DLC1: variants seen among roughly 807,000 people sequenced by gnomAD.
DLC1 encodes rho GTPase-activating protein 7.
DLC1 carries 54 observed loss-of-function variants against 140.3 expected under a neutral mutation model. The observed-to-expected ratio is 0.38, with a 90% CI of 0.31 to 0.48. DLC1 has a LOEUF of 0.48. DLC1 is among the 20% of genes least tolerant of loss of function. The pLI, the probability that DLC1 is intolerant of heterozygous loss-of-function variation, is 0.96. For synonymous variants in DLC1, 986 were observed against 728.1 expected (o/e 1.35, Z -5.70); for missense variants, 2,536 against 1,907.0 (o/e 1.33, Z -6.14).
chr8:13,376,548 A>C (rs935099701), intron 4 of DLC1, among the ~76,000 whole-genome samples: 14 of 152,166 alleles, frequency 9.2e-5, no homozygotes, highest in African/African-American at 3.4e-4. Flanking sequence ...TTAGAGTAGA[A>C]CGTGTGATTT....
intron 4 of DLC1, among the ~76,000 whole-genome samples, chr8:13,378,509 G>A (rs1836099651): frequency 2.6e-5 from 4 of 151,352 alleles, no homozygotes; most frequent in Admixed American, 2.6e-4. Flanking sequence ...TAAATTACAT[G>A]GTATAAAAAT....
At chr8:13,339,027 T>C (rs150652948) in intron 4 of DLC1, among the ~76,000 whole-genome samples, 26 of 152,286 alleles carry the variant, frequency 1.7e-4, no homozygotes, top group African/African-American at 6.0e-4. Flanking sequence ...AATGCGTATA[T>C]CTGGTAATAA....
chr8:13,499,905 T>C lies in DLC1; in HGVS notation c.167A>G (p.Glu56Gly), dbSNP rs143324598. The C allele has an allele frequency of 2.5e-4, 411 of 1,614,134 alleles. 1 individual carries two copies. The African/African-American group carries it at 5.0e-3, about 20-fold the overall frequency. The change falls in exon 2 of 18, where the codon GAG becomes GGG. Residue 56 changes from glutamate (E) to glycine (G), a missense_variant. Glu to Gly is a moderately conservative substitution (Grantham distance 98). Coordinates refer to ENST00000276297, the MANE Select transcript of DLC1 (RefSeq NM_182643.3). The stretch of plus-strand genomic sequence containing the variant: ...GCAGTCAGGTAGTGAAACACACTTC[T>C]CTTTGCGGTCCACATTTAGAGTTGC... ...KDATLNVDRK[E>G]KCVSLPDCCH...
intron 4 of DLC1, among the ~76,000 whole-genome samples, chr8:13,372,511 A>G (rs1336847907): frequency 2.0e-5 from 3 of 152,224 alleles, no homozygotes; most frequent in Non-Finnish European, 4.4e-5. Context: ...AGACGCCAAC[A>G]CAGTGCAGAA....
chr8:13,584,757 C>A (rs890507594), intron 1 of DLC1, among the ~76,000 whole-genome samples: 1 of 152,114 alleles, frequency 6.6e-6, no homozygotes, highest in Non-Finnish European at 1.5e-5. Context: ...AACTTTCGCT[C>A]AAAAACTTTT....
intron 13 of DLC1, among the ~76,000 whole-genome samples, chr8:13,092,318 T>C (rs1309075711): frequency 6.6e-6 from 1 of 152,214 alleles, no homozygotes; most frequent in Non-Finnish European, 1.5e-5. Context: ...CTAGCATAAC[T>C]AGGCCCCAGG....
intron 5 of DLC1, among the ~76,000 whole-genome samples, chr8:13,231,069 T>A (rs1320682507): frequency 6.6e-6 from 1 of 152,160 alleles, no homozygotes; most frequent in Admixed American, 6.5e-5. Flanking sequence ...ATCTTTGGAA[T>A]CTGGACCAGT....
At chr8:13,150,411 T>G (rs549450539) in intron 5 of DLC1, among the ~76,000 whole-genome samples, 1 of 152,202 alleles carries the variant, frequency 6.6e-6, no homozygotes, top group Admixed American at 6.5e-5. Context: ...TCTTTTTTTT[T>G]CTTTGTCGCC....
chr8:13,505,232 C>T (rs1222557635), intron 1 of DLC1, among the ~76,000 whole-genome samples: 1 of 151,714 alleles, frequency 6.6e-6, no homozygotes, highest in Non-Finnish European at 1.5e-5. Flanking sequence ...ACATATGAAG[C>T]AATGATTTTC....
At chr8:13,126,155 G>T (rs57639880) in intron 5 of DLC1, among the ~76,000 whole-genome samples, 10,968 of 152,138 alleles carry the variant, frequency 0.072, 579 homozygotes, top group African/African-American at 0.16. Flanking sequence ...GGCCCTCTAG[G>T]CTTGTGCGGA....
chr8:13,535,502 C>T (rs1028791378), intron 1 of DLC1, among the ~76,000 whole-genome samples: 1 of 151,682 alleles, frequency 6.6e-6, no homozygotes, highest in Admixed American at 6.6e-5. Flanking sequence ...AAAATGTTGA[C>T]AAGGGCAAAT....
At chr8:13,243,379 C>T (rs975385790) in intron 5 of DLC1, among the ~76,000 whole-genome samples, 1 of 151,448 alleles carries the variant, frequency 6.6e-6, no homozygotes, top group Non-Finnish European at 1.5e-5. Flanking sequence ...TTCCCCCTCA[C>T]CTTCTGCCGT....
chr8:13,563,323 T>G (rs1425247247), intron 1 of DLC1, among the ~76,000 whole-genome samples: 1 of 152,206 alleles, frequency 6.6e-6, no homozygotes, highest in East Asian at 1.9e-4. Context: ...ACTTGCTAGA[T>G]GTGGTCACAA....
chr8:13,537,999 C>T (rs1202960429), intron 1 of DLC1, among the ~76,000 whole-genome samples: 1 of 152,136 alleles, frequency 6.6e-6, no homozygotes, highest in Admixed American at 6.5e-5. Context: ...ACGCTTTGGG[C>T]TAAGCAAATT....
At chr8:13,553,234 A>ATAT (rs1803927080) in intron 1 of DLC1, among the ~76,000 whole-genome samples, 1 of 131,572 alleles carries the variant, frequency 7.6e-6, no homozygotes, top group Non-Finnish European at 1.6e-5. Context: ...ATATGTATAT[A>ATAT]TATATATATA....
At chr8:13,152,411 T>C (rs1823888564) in intron 5 of DLC1, among the ~76,000 whole-genome samples, 1 of 152,178 alleles carries the variant, frequency 6.6e-6, no homozygotes, top group Non-Finnish European at 1.5e-5. Flanking sequence ...TTGAATAATG[T>C]CAATGGTATC....
intron 1 of DLC1, among the ~76,000 whole-genome samples, chr8:13,563,092 C>G (rs986463207): frequency 6.6e-6 from 1 of 152,122 alleles, no homozygotes; most frequent in Non-Finnish European, 1.5e-5. Context: ...GAAAACTAAA[C>G]TTCTCTTCCT....
At chr8:13,340,934 G>C (rs1213692996) in intron 4 of DLC1, 6 of 152,206 alleles carry the variant, frequency 3.9e-5, no homozygotes, top group African/African-American at 1.4e-4. Flanking sequence ...TCTTAGGGTA[G>C]TTTTACCAGC....
At chr8:13,298,371 T>C (rs1832046819) in intron 5 of DLC1, among the ~76,000 whole-genome samples, 1 of 152,180 alleles carries the variant, frequency 6.6e-6, no homozygotes, top group African/African-American at 2.4e-5. Context: ...GCCGTTGGGT[T>C]GAGTAGTAGG....
Sources: gnomAD v4.1 joint callset for allele counts (sites outside exome capture counted in the v4.1 genomes callset) on GRCh38, gnomAD v4.1.1 for gene constraint, MANE v1.5 for transcripts, NCBI Gene and HGNC (gene_info 2026-07-23, HGNC 2026-07-21) for gene names.